The following SLC44A1 variants were observed in gnomAD, a reference collection of about 807,000 sequenced individuals.
The protein encoded by SLC44A1 is solute carrier family 44 member 1, also known as choline transporter-like protein 1.
A neutral mutation model predicts 79.3 loss-of-function variants in SLC44A1; 26 were observed. The ratio of observed to expected loss-of-function variants is 0.33; its 90% confidence interval spans 0.24 to 0.46. The LOEUF (loss-of-function observed/expected upper bound fraction) is 0.46, where lower values mean the gene tolerates loss of function less well. Among genes scored for constraint, SLC44A1 ranks in the 20% least tolerant of loss-of-function variants. The pLI, the probability that SLC44A1 is intolerant of heterozygous loss-of-function variation, is 1.00. For missense variants in SLC44A1, 688 were observed against 798.1 expected (o/e 0.86, Z 1.66); for synonymous variants, 263 against 286.2 (o/e 0.92, Z 0.82).
intron 3 of SLC44A1, among the ~76,000 whole-genome samples, chr9:105,311,644 G>A (rs1357739790): frequency 6.6e-6 from 1 of 152,164 alleles, no homozygotes; most frequent in African/African-American, 2.4e-5. Flanking sequence ...ATAGTCAAGA[G>A]CCATTCATAC....
chr9:105,424,509 C>G (rs911272111), intron 15 of SLC44A1, among the ~76,000 whole-genome samples: 1 of 152,200 alleles, frequency 6.6e-6, no homozygotes, highest in Admixed American at 6.5e-5. Flanking sequence ...TGTTAGTAGT[C>G]ATCCTGAATG....
At chr9:105,292,094 G>C (rs930967880) in intron 1 of SLC44A1, among the ~76,000 whole-genome samples, 1 of 152,128 alleles carries the variant, frequency 6.6e-6, no homozygotes, top group Admixed American at 6.5e-5. Context: ...TCTTCCCTGG[G>C]ACCAGCCTCC....
At chr9:105,351,068 A>C (rs1482076111) in intron 5 of SLC44A1, among the ~76,000 whole-genome samples, 1 of 152,198 alleles carries the variant, frequency 6.6e-6, no homozygotes, top group African/African-American at 2.4e-5. Context: ...CAATATGGGG[A>C]ATAGCTAGCC....
intron 1 of SLC44A1, among the ~76,000 whole-genome samples, chr9:105,279,706 A>G (rs1830305691): frequency 6.6e-6 from 1 of 152,238 alleles, no homozygotes; most frequent in South Asian, 2.1e-4. Context: ...TCTTCAGTTT[A>G]CATCAGGAAT....
At chr9:105,385,865 G>A in intron 15 of SLC44A1, 4 of 985,272 alleles carry the variant, frequency 4.1e-6, no homozygotes, top group South Asian at 4.7e-5. Context: ...TTGAACTGAC[G>A]GTTTGATTTT....
intron 1 of SLC44A1, among the ~76,000 whole-genome samples, chr9:105,288,010 ATAAT>A (rs1333216292): frequency 6.6e-6 from 1 of 152,238 alleles, no homozygotes; most frequent in African/African-American, 2.4e-5. Flanking sequence ...TATTTCTTTC[ATAAT>A]TAAATAGCAT....
At chr9:105,375,949 G>A (rs1001820584) in intron 13 of SLC44A1, among the ~76,000 whole-genome samples, 2 of 151,034 alleles carry the variant, frequency 1.3e-5, no homozygotes, top group African/African-American at 4.9e-5. Flanking sequence ...CATAGCATAC[G>A]TACCTGTTTG....
intron 15 of SLC44A1, among the ~76,000 whole-genome samples, chr9:105,420,019 T>C (rs1829224920): frequency 6.6e-6 from 1 of 152,168 alleles, no homozygotes; most frequent in Non-Finnish European, 1.5e-5. Context: ...CAGTGCTCCT[T>C]GCCCTGTCTT....
intron 2 of SLC44A1, among the ~76,000 whole-genome samples, chr9:105,305,551 T>G (rs1831005466): frequency 6.6e-6 from 1 of 152,126 alleles, no homozygotes; most frequent in Non-Finnish European, 1.5e-5. Context: ...CAAGCACTGA[T>G]GAGATACGGG....
At chr9:105,314,486 A>T (rs1364528969) in intron 3 of SLC44A1, among the ~76,000 whole-genome samples, 2 of 152,192 alleles carry the variant, frequency 1.3e-5, no homozygotes, top group African/African-American at 4.8e-5. Context: ...TACTCCAAGA[A>T]GTTTTCCCAG....
intron 15 of SLC44A1, among the ~76,000 whole-genome samples, chr9:105,414,904 G>T (rs899007953): frequency 6.6e-6 from 1 of 152,168 alleles, no homozygotes; most frequent in Non-Finnish European, 1.5e-5. Context: ...CTGTTTATTG[G>T]CAGAGTTTCT....
intron 3 of SLC44A1, among the ~76,000 whole-genome samples, chr9:105,319,064 A>G (rs1174773451): frequency 3.3e-5 from 5 of 152,130 alleles, no homozygotes; most frequent in Non-Finnish European, 1.5e-5. Flanking sequence ...AACTGCTTCA[A>G]CTATGAGTTT....
At chr9:105,409,983 G>A (rs1829074900) in intron 15 of SLC44A1, among the ~76,000 whole-genome samples, 3 of 152,036 alleles carry the variant, frequency 2.0e-5, no homozygotes, top group African/African-American at 7.2e-5. Flanking sequence ...AATTTTAAAA[G>A]ATTTAAATCA....
intron 1 of SLC44A1, among the ~76,000 whole-genome samples, chr9:105,252,214 T>C (rs1008067887): frequency 2.6e-5 from 4 of 152,202 alleles, no homozygotes; most frequent in African/African-American, 4.8e-5. Flanking sequence ...AGCATAAATA[T>C]TTACTCTGTG....
chr9:105,329,251 T>G (rs975769522), intron 3 of SLC44A1, among the ~76,000 whole-genome samples: 15 of 152,206 alleles, frequency 9.9e-5, no homozygotes, highest in African/African-American at 3.4e-4. Flanking sequence ...AGACTCCATT[T>G]TTATTCCCCT....
rs762878017 is a variant in SLC44A1, at chr9:105,390,889, A to G, written c.*1833A>G. On this transcript the variant is annotated 3_prime_UTR_variant, in exon 16 of 16. Transcript: ENST00000374720. ...AATAATTCTCCAGAAGTTAACATCT[A>G]ATATCTAGTATCACCAAACAGTATC... 199 of 983,708 alleles carry G rather than the reference A, an allele frequency of 2.0e-4. No homozygotes were observed. Among genetic ancestry groups the G allele is most frequent in the Non-Finnish European group, 2.3e-4 (188 of 828,150 alleles). 60.9% of individuals were successfully genotyped at this position (983,708 alleles called of 1,614,324 possible).
chr9:105,390,601 CTTCCT>C lies in SLC44A1; in HGVS notation c.*1549_*1553del, dbSNP rs1828741897. The C allele has an allele frequency of 1.0e-6, 1 of 985,654 alleles. No homozygotes were observed. The highest frequency in any genetic ancestry group is 1.7e-5 in the African/African-American group (1 of 57,214). 61.1% of individuals were successfully genotyped at this position (985,654 alleles called of 1,614,324 possible). A position where few individuals can be genotyped will look rare whatever the true frequency, so the allele number is the denominator to read the frequency against. On this transcript the variant is annotated 3_prime_UTR_variant, in exon 16 of 16. Transcript: ENST00000374720. ...TAATAAGCAGCCGTTTGCTAATGTG[CTTCCT>C]TTCAAAGGGTTGGACCTTTAAATTG...
chr9:105,405,999 C>T (rs201987012), intron 15 of SLC44A1, among the ~76,000 whole-genome samples: 8 of 152,298 alleles, frequency 5.3e-5, no homozygotes, highest in Non-Finnish European at 7.3e-5. Flanking sequence ...AGACCACAAA[C>T]GTTCGCTTCT....
At chr9:105,277,090 A>G (rs1430487036) in intron 1 of SLC44A1, among the ~76,000 whole-genome samples, 2 of 152,184 alleles carry the variant, frequency 1.3e-5, no homozygotes, top group African/African-American at 4.8e-5. Context: ...TTCTGGCCAT[A>G]TTTGGAAGAC....
Sources: gnomAD v4.1 joint callset for allele counts (sites outside exome capture counted in the v4.1 genomes callset) on GRCh38, gnomAD v4.1.1 for gene constraint, MANE v1.5 for transcripts, NCBI Gene and HGNC (gene_info 2026-07-23, HGNC 2026-07-21) for gene names.